GDAP1: variants seen among roughly 807,000 people sequenced by gnomAD.
GDAP1 encodes ganglioside-induced differentiation-associated protein 1.
A neutral mutation model predicts 40.1 loss-of-function variants in GDAP1; 34 were observed. The ratio of observed to expected loss-of-function variants is 0.85; its 90% CI spans 0.64 to 1.13. The LOEUF is 1.13. Among genes scored for constraint, GDAP1 ranks in the 50% most tolerant of loss-of-function variants. The probability of loss-of-function intolerance (pLI) is 0.00; values close to 1 mark genes in which losing one functional copy is unlikely to be tolerated. For synonymous variants in GDAP1, 170 were observed against 157.4 expected (o/e 1.08, Z -0.60); for missense variants, 374 against 433.7 (o/e 0.86, Z 1.22).
At chr8:74,359,150 T>C (rs750601780) in intron 2 of GDAP1, among the ~76,000 whole-genome samples, 3 of 152,186 alleles carry the variant, frequency 2.0e-5, no homozygotes, top group Non-Finnish European at 4.4e-5. Context: ...GAACATTACA[T>C]TAGGAATCAG....
rs34362360 is a variant in GDAP1, at chr8:74,443,980, GTCTATCTATCTATCTA to G, written c.166-44667_166-44652del. Among the ~76,000 whole-genome samples the G allele has an allele frequency of 1.9e-3, 279 of 147,426 alleles. 1 individual carries two copies. The highest frequency in any genetic ancestry group is 6.6e-3 in the African/African-American group (262 of 39,712). ...CAAGTTTCCTTTATTCTTTCTGTCT[GTCTATCTATCTATCTA>G]TCTATCTATCTATCTATCTATCTAT... On this transcript the variant is annotated intron_variant, in intron 2 of 2. Coordinates refer to the GDAP1 transcript ENST00000523640.
At chr8:74,363,312 G>A (rs1026628208) in intron 5 of GDAP1, among the ~76,000 whole-genome samples, 41 of 152,246 alleles carry the variant, frequency 2.7e-4, no homozygotes, top group Admixed American at 9.8e-4. Flanking sequence ...TTACAAATTT[G>A]TAATTACAGT....
chr8:74,432,103 T>C (rs1806034843), intron 2 of GDAP1, among the ~76,000 whole-genome samples: 1 of 152,164 alleles, frequency 6.6e-6, no homozygotes, highest in Non-Finnish European at 1.5e-5. Context: ...AGAGGGTCTC[T>C]CTCTCCCTCT....
downstream of GDAP1, among the ~76,000 whole-genome samples, chr8:74,369,212 TA>T (rs1323291366): frequency 6.6e-6 from 1 of 152,128 alleles, no homozygotes; most frequent in African/African-American, 2.4e-5. Context: ...AGAGTCTCCA[TA>T]AGGTATCACT....
intron 2 of GDAP1, among the ~76,000 whole-genome samples, chr8:74,442,556 C>G (rs1806175961): frequency 6.6e-6 from 1 of 152,176 alleles, no homozygotes; most frequent in Admixed American, 6.5e-5. Flanking sequence ...TATGTCTACA[C>G]AATTTCAAGA....
chr8:74,379,285 TA>T (rs1343441669), intron 2 of GDAP1, among the ~76,000 whole-genome samples: 1 of 152,120 alleles, frequency 6.6e-6, no homozygotes, highest in Non-Finnish European at 1.5e-5. Flanking sequence ...AATGATGTTG[TA>T]AAAGTGTCCC....
intron 2 of GDAP1, among the ~76,000 whole-genome samples, chr8:74,408,315 A>G (rs1416907642): frequency 1.3e-5 from 2 of 150,248 alleles, no homozygotes; most frequent in Non-Finnish European, 2.9e-5. Flanking sequence ...CTCCCAGGGT[A>G]TCTCCAAGTG....
intron 2 of GDAP1, among the ~76,000 whole-genome samples, chr8:74,477,712 G>A (rs1586847578): frequency 6.6e-6 from 1 of 152,258 alleles, no homozygotes; most frequent in East Asian, 1.9e-4. Context: ...CTAATGGGTG[G>A]TGCCAGCCAA....
intron 2 of GDAP1, among the ~76,000 whole-genome samples, chr8:74,418,123 G>A (rs1467692483): frequency 6.6e-6 from 1 of 152,162 alleles, no homozygotes; most frequent in East Asian, 1.9e-4. Context: ...AAACTGATTT[G>A]TACATTTAAT....
At chr8:74,438,682 T>C (rs1465012160) in intron 2 of GDAP1, among the ~76,000 whole-genome samples, 1 of 152,070 alleles carries the variant, frequency 6.6e-6, no homozygotes, top group Non-Finnish European at 1.5e-5. Flanking sequence ...TTTGCTGCAG[T>C]CTTGACCTCC....
intron 2 of GDAP1, among the ~76,000 whole-genome samples, chr8:74,427,264 A>G (rs1805959655): frequency 6.6e-6 from 1 of 152,188 alleles, no homozygotes; most frequent in South Asian, 2.1e-4. Context: ...GTTACATCTC[A>G]TGGTAGCCAT....
rs1336861936 is a variant in GDAP1, at chr8:74,366,390, A to C, written c.*2023A>C. On this transcript the variant is annotated 3_prime_UTR_variant, in exon 6 of 6. Coordinates refer to ENST00000220822, the MANE Select transcript of GDAP1 (RefSeq NM_018972.4). ...AGTAATGACCTCAGTTTCTGAAATA[A>C]GGGCATCTTCATCAGATTATTCTTC... The C allele has an allele frequency of 6.6e-6, 3 of 454,346 alleles. No homozygotes were observed. Among genetic ancestry groups the C allele is most frequent in the African/African-American group, 6.0e-5 (3 of 50,006 alleles). The allele number at this position is 454,346 out of a possible 1,614,324, so 28.1% of individuals were successfully genotyped here. A position where few individuals can be genotyped will look rare whatever the true frequency, so the allele number is the denominator to read the frequency against.
chr8:74,384,397 A>G (rs1357361116), intron 2 of GDAP1, among the ~76,000 whole-genome samples: 1 of 152,266 alleles, frequency 6.6e-6, no homozygotes, highest in Non-Finnish European at 1.5e-5. Flanking sequence ...TGTTTTCTTC[A>G]GGTCTTTTCT....
intron 2 of GDAP1, among the ~76,000 whole-genome samples, chr8:74,464,209 A>G (rs1352279207): frequency 6.6e-6 from 1 of 152,196 alleles, no homozygotes; most frequent in African/African-American, 2.4e-5. Context: ...ATGATTAGTC[A>G]AAGTAGAAAA....
rs202010117 is a variant in GDAP1, at chr8:74,350,494, C to G, written c.33C>G (p.Ser11Arg). ...AGAGGCAGGAAGAGCAGAGAGGGAG[C>G]CCGCCCTTGAGGGCGGAAGGCAAGG... MAERQEEQRG[S>R]PPLRAEGKAD... is the part of the protein sequence containing the mutation. Residue 11 changes from serine to arginine, a missense_variant, in exon 1 of 6, where the codon AGC becomes AGG. Coordinates refer to ENST00000220822, the MANE Select transcript of GDAP1 (RefSeq NM_018972.4). 9.7e-5 allele frequency: 157 copies of G among 1,612,180 alleles called. No individual in the cohort carries two copies. The Admixed American group carries it at 2.5e-3, about 26-fold the overall frequency.
At chr8:74,351,637 C>CA (rs1808880939) in intron 2 of GDAP1, among the ~76,000 whole-genome samples, 171 bp downstream of exon 2, 1 of 152,014 alleles carries the variant, frequency 6.6e-6, no homozygotes, top group African/African-American at 2.4e-5. Context: ...AGGTCAATAA[C>CA]AAATTTTGTA....
Position 74,364,573 on chromosome 8 carries a change from A to C in GDAP1, c.*206A>C. On this transcript the variant is annotated 3_prime_UTR_variant, in exon 6 of 6. Transcript: ENST00000220822. ...CTACAACTGCCAGCTCCAGGCAGAA[A>C]TAGGAAGGCAAAGAGATAAGAGAAG... The C allele has an allele frequency of 1.5e-6, 1 of 685,236 alleles. No individual in the cohort carries two copies. The highest frequency in any genetic ancestry group is 1.5e-5 in the South Asian group (1 of 66,732). 42.4% of individuals were successfully genotyped at this position (685,236 alleles called of 1,614,324 possible).
downstream of GDAP1, chr8:74,366,931 C>G (rs1456850297): frequency 5.4e-6 from 2 of 367,064 alleles, no homozygotes; most frequent in African/African-American, 2.1e-5. Flanking sequence ...CATTTAAAAT[C>G]AAAGCATCAT....
At chr8:74,438,934 G>A (rs931675562) in intron 2 of GDAP1, among the ~76,000 whole-genome samples, 4 of 152,042 alleles carry the variant, frequency 2.6e-5, no homozygotes, top group Non-Finnish European at 5.9e-5. Flanking sequence ...TGGTTTATAA[G>A]TATTCATATA....
Sources: allele counts gnomAD v4.1 joint callset (sites outside exome capture counted in the v4.1 genomes callset), GRCh38; gene constraint gnomAD v4.1.1; transcripts MANE v1.5; gene names NCBI Gene and HGNC (gene_info 2026-07-23, HGNC 2026-07-21).